The following ALMS1 variants were observed in gnomAD, a reference collection of about 807,000 sequenced individuals.
The protein encoded by ALMS1 is ALMS1 centrosome and basal body associated protein.
Under a neutral mutation model 352.2 loss-of-function variants are expected in ALMS1, and 271 were observed. That is an observed-to-expected ratio of 0.77 (90% CI 0.70 to 0.85). The LOEUF is 0.85. Ranked by LOEUF, ALMS1 falls within the 40% of genes least tolerant of loss-of-function variation. The pLI, the probability that ALMS1 is intolerant of heterozygous loss-of-function variation, is 0.00. For missense variants in ALMS1, 5,445 were observed against 4,870.7 expected (o/e 1.12, Z -3.51); for synonymous variants, 1,865 against 1,761.2 (o/e 1.06, Z -1.48).
At chr2:73,470,834 ACT>A (rs1439672238) in intron 9 of ALMS1, 1 of 151,254 alleles carries the variant, frequency 6.6e-6, no homozygotes, top group Non-Finnish European at 1.5e-5. Context: ...TAATGAATTG[ACT>A]CTTTTATCAT....
chr2:73,465,704 C>G (rs1672323376), intron 9 of ALMS1, among the ~76,000 whole-genome samples: 1 of 151,108 alleles, frequency 6.6e-6, no homozygotes, highest in African/African-American at 2.4e-5. Context: ...AAGAGGAAAC[C>G]TACAAAATGG....
chr2:73,539,792 G>T (rs1319912302), intron 12 of ALMS1, among the ~76,000 whole-genome samples: 3 of 152,132 alleles, frequency 2.0e-5, no homozygotes, highest in African/African-American at 4.8e-5. Flanking sequence ...AAGATCAGAT[G>T]AATGAAATCA....
intron 6 of ALMS1, among the ~76,000 whole-genome samples, chr2:73,427,069 A>C (rs1434411730): frequency 6.6e-5 from 10 of 152,146 alleles, no homozygotes; most frequent in Admixed American, 6.5e-4. Context: ...CAGGCCTTTC[A>C]TATTGAGGCA....
chr2:73,556,607 C>T lies in ALMS1; in HGVS notation c.10079-613C>T, dbSNP rs1573017476. Among the ~76,000 whole-genome samples the T allele has an allele frequency of 2.0e-5, 3 of 147,204 alleles. No individual in the cohort carries two copies. In the East Asian group the frequency reaches 5.9e-4, roughly 29 times the overall value. On this transcript the variant is annotated intron_variant, in intron 13 of 22. Coordinates refer to ENST00000613296, the MANE Select transcript of ALMS1 (RefSeq NM_001378454.1). ...GAAAGCATTGTTCACATCTTTTTTC[C>T]TTTGAAAAAACATACCTGATCTTTC... is the stretch of plus-strand genomic sequence containing the variant.
intron 9 of ALMS1, among the ~76,000 whole-genome samples, chr2:73,463,408 A>G (rs1672253667): frequency 6.6e-6 from 1 of 150,724 alleles, no homozygotes; most frequent in African/African-American, 2.4e-5. Context: ...ACCAACGAGA[A>G]CAAAGACACA....
At chr2:73,594,267 A>G (rs1348817313) in intron 16 of ALMS1, among the ~76,000 whole-genome samples, 1 of 144,120 alleles carries the variant, frequency 6.9e-6, no homozygotes, top group Non-Finnish European at 1.5e-5. Context: ...TCATCTTCCT[A>G]CTGGGCTGGA....
intron 12 of ALMS1, among the ~76,000 whole-genome samples, chr2:73,537,883 G>A (rs1403813605): frequency 3.9e-5 from 6 of 152,102 alleles, no homozygotes; most frequent in Non-Finnish European, 7.3e-5. Context: ...GCCTACGCTT[G>A]TAGTCCCAGC....
At chr2:73,413,936 C>T (rs1023826033) in intron 2 of ALMS1, among the ~76,000 whole-genome samples, 2 of 152,126 alleles carry the variant, frequency 1.3e-5, no homozygotes, top group African/African-American at 4.8e-5. Flanking sequence ...AATAACTGTA[C>T]TGTCTTAAAA....
intron 9 of ALMS1, among the ~76,000 whole-genome samples, chr2:73,467,106 A>C (rs1382186300): frequency 2.1e-4 from 7 of 33,076 alleles, no homozygotes. Context: ...TTAAACAAGA[A>C]CAAAAATACA....
At chr2:73,485,815 C>A (rs181873730) in intron 9 of ALMS1, among the ~76,000 whole-genome samples, 1 of 152,106 alleles carries the variant, frequency 6.6e-6, no homozygotes, top group Non-Finnish European at 1.5e-5. Flanking sequence ...GCGCAGTATT[C>A]GGGTGGGAGT....
intron 7 of ALMS1, 149 bp from the exon 8 acceptor site, chr2:73,447,811 T>C: frequency 9.2e-7 from 1 of 1,088,386 alleles, no homozygotes; most frequent in African/African-American, 1.6e-5. Flanking sequence ...TTAATATCTT[T>C]GTGTGCAAAT....
chr2:73,591,025 A>G (rs986859294), intron 16 of ALMS1, among the ~76,000 whole-genome samples: 3 of 151,454 alleles, frequency 2.0e-5, no homozygotes, highest in Non-Finnish European at 4.4e-5. Flanking sequence ...GCCCAGGCTG[A>G]TCTCAAACTC....
intron 10 of ALMS1, among the ~76,000 whole-genome samples, chr2:73,517,002 A>G (rs1234682309): frequency 6.6e-6 from 1 of 152,054 alleles, no homozygotes; most frequent in African/African-American, 2.4e-5. Context: ...TGCCATGAGT[A>G]TGAATGAGAT....
chr2:73,564,519 T>C (rs1558696537), intron 15 of ALMS1, among the ~76,000 whole-genome samples: 2 of 151,544 alleles, frequency 1.3e-5, no homozygotes, highest in Non-Finnish European at 2.9e-5. Context: ...TTTTACTGTA[T>C]TCACAGATAA....
chr2:73,539,454 A>C (rs1238752231), intron 12 of ALMS1, among the ~76,000 whole-genome samples: 2 of 152,206 alleles, frequency 1.3e-5, no homozygotes, highest in Non-Finnish European at 2.9e-5. Flanking sequence ...TGAAAATTCT[A>C]AAAATCGGAG....
At chr2:73,455,365 T>C in intron 9 of ALMS1, 70 bp downstream of exon 9, 1 of 1,592,116 alleles carries the variant, frequency 6.3e-7, no homozygotes, top group South Asian at 1.1e-5. Context: ...GATCTCTTAC[T>C]TGGGCATCAG....
At chr2:73,562,658 TG>T (rs2104075021) in intron 15 of ALMS1, among the ~76,000 whole-genome samples, 1 of 152,014 alleles carries the variant, frequency 6.6e-6, no homozygotes, top group Non-Finnish European at 1.5e-5. Flanking sequence ...GAGGCTGAGG[TG>T]GGTGGATCAC....
intron 7 of ALMS1, among the ~76,000 whole-genome samples, chr2:73,434,229 C>A (rs7585663): frequency 0.08 from 12,161 of 151,874 alleles, 1,225 homozygotes; most frequent in African/African-American, 0.23. Context: ...CTTTCTTCTT[C>A]TTATTACAAA....
chr2:73,388,233 A>G (rs1670577491), intron 1 of ALMS1, among the ~76,000 whole-genome samples: 1 of 152,292 alleles, frequency 6.6e-6, no homozygotes, highest in Non-Finnish European at 1.5e-5. Flanking sequence ...TTAATATTCA[A>G]ACTTTATCTT....
Sources: gnomAD v4.1 joint callset for allele counts (sites outside exome capture counted in the v4.1 genomes callset) on GRCh38, gnomAD v4.1.1 for gene constraint, MANE v1.5 for transcripts, NCBI Gene and HGNC (gene_info 2026-07-23, HGNC 2026-07-21) for gene names.